FHIT: variants seen among roughly 807,000 people sequenced by gnomAD.
FHIT encodes the protein fragile histidine triad diadenosine triphosphatase.
Under a neutral mutation model 17.9 loss-of-function variants are expected in FHIT, and 19 were observed. The observed-to-expected ratio is 1.06, with a 90% CI of 0.74 to 1.56. The LOEUF (loss-of-function observed/expected upper bound fraction) is 1.56, where lower values mean the gene tolerates loss of function less well. Ranked by LOEUF, FHIT falls within the 40% of genes most tolerant of loss-of-function variation. The pLI is 0.00. For missense variants in FHIT, 248 were observed against 189.2 expected, an observed-to-expected ratio of 1.31 and a Z score of -1.82; for synonymous variants, 81 against 69.7, an observed-to-expected ratio of 1.16 and a Z score of -0.81.
chr3:60,965,746 G>A (rs1292648516), intron 3 of FHIT, among the ~76,000 whole-genome samples: 1 of 152,324 alleles, frequency 6.6e-6, no homozygotes, highest in African/African-American at 2.4e-5. Flanking sequence ...GGAGGCTGCA[G>A]AACAGCAAAT....
At chr3:60,155,469 T>G (rs940107439) in intron 5 of FHIT, among the ~76,000 whole-genome samples, 6 of 152,130 alleles carry the variant, frequency 3.9e-5, no homozygotes, top group African/African-American at 1.2e-4. Flanking sequence ...TACTACTACC[T>G]GCCCAGTGTC....
intron 8 of FHIT, among the ~76,000 whole-genome samples, chr3:59,782,095 T>G (rs1249792352): frequency 6.6e-6 from 1 of 152,214 alleles, no homozygotes; most frequent in African/African-American, 2.4e-5. Flanking sequence ...TGAAGTTGAC[T>G]TGTTACATAA....
chr3:60,228,441 T>C (rs1004826004), intron 5 of FHIT, among the ~76,000 whole-genome samples: 4 of 152,152 alleles, frequency 2.6e-5, no homozygotes, highest in Admixed American at 2.6e-4. Flanking sequence ...AGCCACTGAA[T>C]TGCATACTGT....
rs578229975 is a variant in FHIT at position 60,611,311 on chromosome 3, G to A, written c.-17-74332C>T. Among the ~76,000 whole-genome samples the A allele has an allele frequency of 1.1e-4, 16 of 152,296 alleles. No homozygotes were observed. The East Asian group carries it at 2.3e-3, about 22-fold the overall frequency. On this transcript the variant is annotated intron_variant, in intron 4 of 9. Transcript: ENST00000492590. ...CCTTTTAACAAAACATTCCTAGGTA[G>A]ATGTTTATGGTAAAGCTAACATCGA...
chr3:60,258,793 T>C (rs1194531265), intron 5 of FHIT, among the ~76,000 whole-genome samples: 4 of 152,058 alleles, frequency 2.6e-5, no homozygotes, highest in Non-Finnish European at 5.9e-5. Flanking sequence ...AAAGTATTAT[T>C]GGATGAAAAA....
At chr3:59,969,188 C>A (rs1278410566) in intron 7 of FHIT, among the ~76,000 whole-genome samples, 1 of 152,160 alleles carries the variant, frequency 6.6e-6, no homozygotes, top group East Asian at 1.9e-4. Context: ...GGGATCTGAG[C>A]TGTTCTACGC....
At chr3:60,171,016 C>A (rs1284107714) in intron 5 of FHIT, among the ~76,000 whole-genome samples, 1 of 152,102 alleles carries the variant, frequency 6.6e-6, no homozygotes, top group African/African-American at 2.4e-5. Context: ...AGAAAAGGCC[C>A]AACTTTCTAT....
In FHIT at chr3:61,224,217, C is replaced by T. The variant is rs2039909358; in HGVS notation, c.-212-23552G>A. Among the ~76,000 whole-genome samples the T allele has an allele frequency of 2.6e-5, 4 of 152,140 alleles. No individual in the cohort carries two copies. In the South Asian group the frequency reaches 8.3e-4, roughly 32 times the overall value. On this transcript the variant is annotated intron_variant, in intron 1 of 9. Transcript: ENST00000492590. ...TCTAGTTCACATATCTACAACATTC[C>T]TTATTCTAGTTTTTATGTCAATTCA...
chr3:60,995,444 C>T (rs1465384839), intron 3 of FHIT, among the ~76,000 whole-genome samples: 1 of 152,090 alleles, frequency 6.6e-6, no homozygotes, highest in Non-Finnish European at 1.5e-5. Context: ...TCCCACAAGC[C>T]CCCAAACAGT....
chr3:60,148,004 T>A (rs1348228315), intron 5 of FHIT, among the ~76,000 whole-genome samples: 1 of 152,146 alleles, frequency 6.6e-6, no homozygotes, highest in Non-Finnish European at 1.5e-5. Flanking sequence ...AGGGGTTTAA[T>A]AGTAAATTAT....
intron 2 of FHIT, among the ~76,000 whole-genome samples, chr3:61,046,796 G>A (rs911635780): frequency 3.3e-5 from 5 of 152,120 alleles, no homozygotes; most frequent in Non-Finnish European, 7.4e-5. Context: ...TATCCACCAC[G>A]ATCAAGTTGG....
At chr3:60,422,677 G>A (rs1702522111) in intron 5 of FHIT, among the ~76,000 whole-genome samples, 1 of 152,062 alleles carries the variant, frequency 6.6e-6, no homozygotes, top group African/African-American at 2.4e-5. Context: ...ATTTCGTAAT[G>A]GAGAAAAAAG....
intron 5 of FHIT, among the ~76,000 whole-genome samples, chr3:60,474,651 T>G (rs2033255049): frequency 6.6e-6 from 1 of 151,934 alleles, no homozygotes; most frequent in Non-Finnish European, 1.5e-5. Flanking sequence ...GAGATGGAGT[T>G]TCGCTCTTAT....
chr3:60,623,096 T>C (rs1282301732), intron 4 of FHIT, among the ~76,000 whole-genome samples: 1 of 152,208 alleles, frequency 6.6e-6, no homozygotes, highest in Admixed American at 6.5e-5. Context: ...AGACCATACC[T>C]ACAGTGCCTA....
Position 60,367,421 on chromosome 3 carries a change from C to T in FHIT, c.103+169439G>A, listed in dbSNP as rs539695006. Reference sequence around the variant, plus strand: ...TAGAGAATGCACTGTTTTTATTAAACGGGAGTTTTTGCTAATTTTGCTCCT... The same window carrying T: ...TAGAGAATGCACTGTTTTTATTAAATGGGAGTTTTTGCTAATTTTGCTCCT... On this transcript the variant is annotated intron_variant, in intron 5 of 9. Transcript: ENST00000492590. Among the ~76,000 whole-genome samples the T allele has an allele frequency of 7.9e-5, 12 of 152,044 alleles. No individual in the cohort carries two copies. In the East Asian group the frequency reaches 9.6e-4, roughly 12 times the overall value.
chr3:60,727,227 G>A (rs1553709798), intron 4 of FHIT, among the ~76,000 whole-genome samples: 1 of 151,734 alleles, frequency 6.6e-6, no homozygotes, highest in African/African-American at 2.4e-5. Flanking sequence ...TGTAATAAAA[G>A]CTCACAATAT....
At chr3:60,113,513 T>C (rs926785132) in intron 5 of FHIT, among the ~76,000 whole-genome samples, 1 of 151,846 alleles carries the variant, frequency 6.6e-6, no homozygotes, top group African/African-American at 2.4e-5. Flanking sequence ...CGCCAGTCAC[T>C]GTACCCTACT....
intron 5 of FHIT, among the ~76,000 whole-genome samples, chr3:60,493,233 T>C (rs2107505120): frequency 6.6e-6 from 1 of 152,306 alleles, no homozygotes; most frequent in African/African-American, 2.4e-5. Flanking sequence ...AAAGTGCCTA[T>C]GACGTGAGTT....
intron 5 of FHIT, among the ~76,000 whole-genome samples, chr3:60,227,818 C>G (rs1704289798): frequency 6.6e-6 from 1 of 152,142 alleles, no homozygotes; most frequent in African/African-American, 2.4e-5. Context: ...CCAAGAACTT[C>G]TGGAATGCTG....
Sources: gnomAD v4.1 joint callset for allele counts (sites outside exome capture counted in the v4.1 genomes callset) on GRCh38, gnomAD v4.1.1 for gene constraint, MANE v1.5 for transcripts, NCBI Gene and HGNC (gene_info 2026-07-23, HGNC 2026-07-21) for gene names.